Variants in SAMMSON observed in about 807,000 individuals in gnomAD.
SAMMSON encodes the protein long intergenic non-protein coding RNA 1212.
At chr3:70,413,865 C>T (rs1410961188) in intron 2 of SAMMSON, among the ~76,000 whole-genome samples, 1 of 152,072 alleles carries the variant, frequency 6.6e-6, no homozygotes, top group Non-Finnish European at 1.5e-5. Context: ...TATTAGTTTG[C>T]AGTCCCTTTT....
chr3:70,271,922 C>G (rs1301263585), intron 6 of SAMMSON: 1 of 152,194 alleles, frequency 6.6e-6, no homozygotes, highest in Non-Finnish European at 1.5e-5. Context: ...TGCCATCATG[C>G]CCAGCTAATT....
chr3:70,165,273 T>C (rs1342530370), intron 4 of SAMMSON, among the ~76,000 whole-genome samples: 1 of 152,028 alleles, frequency 6.6e-6, no homozygotes, highest in Non-Finnish European at 1.5e-5. Flanking sequence ...TAATATAGTG[T>C]TGTGGTCTGA....
chr3:70,220,952 C>A (rs935547728), intron 4 of SAMMSON, among the ~76,000 whole-genome samples: 2 of 152,132 alleles, frequency 1.3e-5, no homozygotes, highest in Non-Finnish European at 2.9e-5. Context: ...AATGTAGTAG[C>A]TATGCATCAG....
chr3:70,112,016 A>C (rs1166508997), intron 4 of SAMMSON, among the ~76,000 whole-genome samples: 1 of 152,188 alleles, frequency 6.6e-6, no homozygotes, highest in Admixed American at 6.5e-5. Flanking sequence ...AGAATGAATG[A>C]GAGAAAAGCT....
At chr3:70,055,482 AC>A (rs2067163716) in intron 3 of SAMMSON, among the ~76,000 whole-genome samples, 1 of 152,114 alleles carries the variant, frequency 6.6e-6, no homozygotes, top group Admixed American at 6.6e-5. Flanking sequence ...CAATTCGTGA[AC>A]TTTTTTGAAC....
intron 6 of SAMMSON, among the ~76,000 whole-genome samples, chr3:70,280,503 C>T (rs546365089): frequency 1.3e-5 from 2 of 152,212 alleles, no homozygotes; most frequent in East Asian, 3.9e-4. Context: ...GCCCTGCTTT[C>T]TAGGGGAGCT....
intron 6 of SAMMSON, among the ~76,000 whole-genome samples, chr3:70,264,337 T>G (rs1701895775): frequency 6.6e-6 from 1 of 152,208 alleles, no homozygotes; most frequent in Non-Finnish European, 1.5e-5. Flanking sequence ...TTTACATATT[T>G]AGAAATCTGC....
intron 4 of SAMMSON, among the ~76,000 whole-genome samples, chr3:70,244,848 A>T (rs1250619688): frequency 2.0e-5 from 3 of 152,182 alleles, no homozygotes; most frequent in Non-Finnish European, 4.4e-5. Flanking sequence ...CTCTGCTTAC[A>T]ATTTGGGTGG....
rs181844695 is a variant in SAMMSON at position 70,052,678 on chromosome 3, T to C, written n.418-18798T>C. 2.3e-3 allele frequency among the ~76,000 whole-genome samples: 345 copies of C among 152,244 alleles called. 2 individuals are homozygous for C. The highest frequency in any genetic ancestry group is 0.014 in the Middle Eastern group (4 of 294). On this transcript the variant is annotated intron_variant and non_coding_transcript_variant, in intron 3 of 9. Transcript: ENST00000642114. The stretch of plus-strand genomic sequence containing the variant: ...TCAAGGTTTCTCAGTCTTGGCATGA[T>C]TGACATGTTGGGCTGAATAATTCTT...
chr3:70,369,140 T>G (rs984982468), intron 9 of SAMMSON, among the ~76,000 whole-genome samples: 1 of 151,670 alleles, frequency 6.6e-6, no homozygotes, highest in Admixed American at 6.6e-5. Context: ...ATTATATTAT[T>G]TGTAATCTTT....
intron 6 of SAMMSON, among the ~76,000 whole-genome samples, chr3:70,285,521 T>G (rs1255227599): frequency 6.6e-5 from 10 of 152,140 alleles, no homozygotes; most frequent in South Asian, 4.2e-4. Flanking sequence ...TAAAAATACG[T>G]GTGCATGTGT....
intron 3 of SAMMSON, among the ~76,000 whole-genome samples, chr3:70,059,777 C>A (rs1269660226): frequency 6.6e-6 from 1 of 152,038 alleles, no homozygotes; most frequent in African/African-American, 2.4e-5. Context: ...ATTAACCCCC[C>A]CAGTTGGCAA....
At chr3:70,311,611 T>C (rs568937705) in intron 7 of SAMMSON, among the ~76,000 whole-genome samples, 152 of 152,230 alleles carry the variant, frequency 1.0e-3, no homozygotes, top group Admixed American at 1.8e-3. Context: ...TCACAGATAA[T>C]ATAAGTCTGA....
At chr3:70,317,324 A>G (rs1202003801) in intron 7 of SAMMSON, among the ~76,000 whole-genome samples, 1 of 151,974 alleles carries the variant, frequency 6.6e-6, no homozygotes, top group African/African-American at 2.4e-5. Flanking sequence ...AGTCAAGTCT[A>G]CTGGCATCAT....
intron 4 of SAMMSON, among the ~76,000 whole-genome samples, chr3:70,203,067 G>A (rs892057007): frequency 6.6e-6 from 1 of 152,012 alleles, no homozygotes; most frequent in African/African-American, 2.4e-5. Flanking sequence ...CTGAGCTGCT[G>A]AAGCACACCT....
intron 1 of SAMMSON, among the ~76,000 whole-genome samples, chr3:70,009,585 C>G (rs1458178856): frequency 1.3e-5 from 2 of 152,006 alleles, no homozygotes; most frequent in East Asian, 1.9e-4. Context: ...TTTCAGAAAA[C>G]CAGCTCCTGG....
chr3:70,204,090 A>G (rs568368742), intron 4 of SAMMSON, among the ~76,000 whole-genome samples: 5 of 152,322 alleles, frequency 3.3e-5, no homozygotes, highest in African/African-American at 9.6e-5. Flanking sequence ...CAAAATCTGC[A>G]TGTGTGAGGC....
chr3:70,335,859 A>G (rs758372599), intron 7 of SAMMSON, among the ~76,000 whole-genome samples: 6 of 151,974 alleles, frequency 3.9e-5, no homozygotes, highest in East Asian at 1.9e-4. Context: ...ATTAATCTCA[A>G]ATTAATCTTT....
intron 4 of SAMMSON, among the ~76,000 whole-genome samples, chr3:70,230,761 G>GT (rs2106744204): frequency 1.3e-5 from 2 of 152,328 alleles, no homozygotes; most frequent in African/African-American, 4.8e-5. Context: ...CCCTCCTTGA[G>GT]TTTTAAAGGC....
Sources: allele counts gnomAD v4.1 joint callset (sites outside exome capture counted in the v4.1 genomes callset), GRCh38; gene constraint gnomAD v4.1.1; transcripts MANE v1.5; gene names NCBI Gene and HGNC (gene_info 2026-07-23, HGNC 2026-07-21).